Variants in PPARGC1A observed in about 807,000 individuals in gnomAD.
The protein encoded by PPARGC1A is PPARG coactivator 1 alpha.
Under a neutral mutation model 88.7 loss-of-function variants are expected in PPARGC1A, and 25 were observed. That is an observed-to-expected ratio of 0.28 (90% CI 0.21 to 0.39). The LOEUF is 0.39. PPARGC1A is among the 10% of genes least tolerant of loss of function. PPARGC1A has a pLI of 1.00. For synonymous variants in PPARGC1A, 363 were observed against 355.6 expected (o/e 1.02, Z -0.24); for missense variants, 880 against 968.7 (o/e 0.91, Z 1.22).
the PPARGC1A span, among the ~76,000 whole-genome samples, chr4:24,267,704 A>G: frequency 2.6e-5 from 4 of 152,234 alleles, no homozygotes; most frequent in Admixed American, 1.3e-4. Flanking sequence ...TTAAAGTTTT[A>G]GAAGGAACAC....
At chr4:23,864,337 C>T (rs1731768433) in intron 2 of PPARGC1A, among the ~76,000 whole-genome samples, 1 of 152,200 alleles carries the variant, frequency 6.6e-6, no homozygotes, top group African/African-American at 2.4e-5. Flanking sequence ...AGCTGGGCAT[C>T]CCCAAAGGAA....
At chr4:24,192,012 G>A in the PPARGC1A span, among the ~76,000 whole-genome samples, 2 of 152,078 alleles carry the variant, frequency 1.3e-5, no homozygotes, top group East Asian at 1.9e-4. Context: ...ACGCCTCGAT[G>A]GACACCACTG....
At chr4:23,988,249 G>A in the PPARGC1A span, among the ~76,000 whole-genome samples, 1 of 152,164 alleles carries the variant, frequency 6.6e-6, no homozygotes, top group East Asian at 1.9e-4. Flanking sequence ...ATGAACATAT[G>A]TGTGCATCTG....
chr4:24,211,993 C>T, the PPARGC1A span, among the ~76,000 whole-genome samples: 2 of 152,138 alleles, frequency 1.3e-5, no homozygotes, highest in African/African-American at 2.4e-5. Context: ...ATTGGCTCAC[C>T]GTTCCCCAAC....
the PPARGC1A span, among the ~76,000 whole-genome samples, chr4:24,203,852 T>C: frequency 1.3e-5 from 2 of 152,242 alleles, no homozygotes; most frequent in Non-Finnish European, 1.5e-5. Context: ...TGCAGTGGAC[T>C]TGACTCTATG....
chr4:24,044,325 G>A, the PPARGC1A span, among the ~76,000 whole-genome samples: 93 of 152,274 alleles, frequency 6.1e-4, 3 homozygotes, highest in East Asian at 0.016. Flanking sequence ...AAAAGACCTT[G>A]AGGGTCCGAT....
At chr4:24,325,134 A>C in the PPARGC1A span, among the ~76,000 whole-genome samples, 101 of 152,258 alleles carry the variant, frequency 6.6e-4, no homozygotes, top group Non-Finnish European at 1.3e-3. Flanking sequence ...TTTTTCATCA[A>C]ATATAAAAAC....
chr4:24,094,083 C>T, the PPARGC1A span, among the ~76,000 whole-genome samples: 1,709 of 152,168 alleles, frequency 0.011, 20 homozygotes, highest in Middle Eastern at 0.048. Flanking sequence ...ATTCTCAGCC[C>T]GCTCTTTCTC....
chr4:23,979,973 AG>A, the PPARGC1A span, among the ~76,000 whole-genome samples: 1 of 152,038 alleles, frequency 6.6e-6, no homozygotes, highest in South Asian at 2.1e-4. Flanking sequence ...TCTCCTAGCC[AG>A]GGGGTAATTA....
chr4:24,102,367 A>G, the PPARGC1A span, among the ~76,000 whole-genome samples: 1 of 152,190 alleles, frequency 6.6e-6, no homozygotes, highest in East Asian at 1.9e-4. Context: ...CACACAGACT[A>G]ATACACAACA....
At chr4:24,114,063 G>A in the PPARGC1A span, among the ~76,000 whole-genome samples, 9 of 145,738 alleles carry the variant, frequency 6.2e-5, no homozygotes, top group East Asian at 2.2e-4. Flanking sequence ...GGTGGAGACC[G>A]CAGTGAGCCG....
At chr4:24,427,277 T>C in the PPARGC1A span, among the ~76,000 whole-genome samples, 5 of 148,514 alleles carry the variant, frequency 3.4e-5, no homozygotes, top group African/African-American at 1.3e-4. Context: ...ATCTATTCTT[T>C]ATTTATTTTT....
At chr4:24,005,781 A>T in the PPARGC1A span, among the ~76,000 whole-genome samples, 1 of 150,928 alleles carries the variant, frequency 6.6e-6, no homozygotes, top group South Asian at 2.1e-4. Flanking sequence ...TTGATTGGCA[A>T]AAAAAAAAGA....
the PPARGC1A span, among the ~76,000 whole-genome samples, chr4:24,292,536 C>T: frequency 8.2e-6 from 1 of 121,736 alleles, no homozygotes; most frequent in Non-Finnish European, 1.7e-5. Context: ...TACCCCCCCA[C>T]CCCACCCCTT....
chr4:24,095,142 G>T, the PPARGC1A span, among the ~76,000 whole-genome samples: 1 of 123,840 alleles, frequency 8.1e-6, no homozygotes, highest in Non-Finnish European at 1.6e-5. Context: ...TTCTGAGACA[G>T]AGTCTCACTC....
the PPARGC1A span, among the ~76,000 whole-genome samples, chr4:24,348,585 G>A: frequency 6.6e-6 from 1 of 152,154 alleles, no homozygotes; most frequent in South Asian, 2.1e-4. Flanking sequence ...TCTTCTGGTT[G>A]TTCAATTCTA....
the PPARGC1A span, among the ~76,000 whole-genome samples, chr4:24,100,554 G>A: frequency 1.1e-3 from 166 of 152,248 alleles, no homozygotes; most frequent in African/African-American, 3.7e-3. Flanking sequence ...GCATGACGCC[G>A]CCTCTGGACG....
At chr4:24,042,766 T>C in the PPARGC1A span, among the ~76,000 whole-genome samples, 1 of 152,182 alleles carries the variant, frequency 6.6e-6, no homozygotes, top group Non-Finnish European at 1.5e-5. Context: ...TAAATGCATA[T>C]GTGCCCTATG....
the PPARGC1A span, among the ~76,000 whole-genome samples, chr4:24,435,223 A>T: frequency 1.3e-5 from 2 of 152,128 alleles, no homozygotes; most frequent in Non-Finnish European, 2.9e-5. Flanking sequence ...GTAGTATTAG[A>T]AGGACAGTGA....
Sources: allele counts gnomAD v4.1 joint callset (sites outside exome capture counted in the v4.1 genomes callset), GRCh38; gene constraint gnomAD v4.1.1; transcripts MANE v1.5; gene names NCBI Gene and HGNC (gene_info 2026-07-23, HGNC 2026-07-21).